Variants in URB1 observed in about 807,000 individuals in gnomAD.
URB1 encodes the protein URB1 ribosome biogenesis factor.
In URB1, 197 loss-of-function variants were observed where a neutral mutation model predicts 242.3. That is an observed-to-expected ratio of 0.81 (90% CI 0.72 to 0.91). The LOEUF is 0.91. Ranked by LOEUF, URB1 falls within the 40% of genes least tolerant of loss-of-function variation. The pLI is 0.00. For missense variants in URB1, 2,721 were observed against 2,860.5 expected (o/e 0.95, Z 1.11); for synonymous variants, 1,153 against 1,201.8 (o/e 0.96, Z 0.84).
Position 32,355,584 on chromosome 21 carries a change from C to T in URB1, c.1990-19G>A, listed in dbSNP as rs567520215. 2.5e-5 allele frequency: 38 copies of T among 1,540,814 alleles called. No individual in the cohort carries two copies. Among genetic ancestry groups the T allele is most frequent in the Middle Eastern group, 1.7e-4 (1 of 6,000 alleles). On this transcript the variant is annotated intron_variant, in intron 15 of 38. Transcript: ENST00000382751. Reference sequence around the variant, plus strand: ...GCAGAATCTGCCAGGAAGTAGGCACCGGTGAAAAAGTCAGAACAGAACGCG... The same window carrying T: ...GCAGAATCTGCCAGGAAGTAGGCACTGGTGAAAAAGTCAGAACAGAACGCG...
chr21:32,378,663 C>T, intron 4 of URB1, 122 bp from the exon 5 acceptor site: 1 of 781,456 alleles, frequency 1.3e-6, no homozygotes. Flanking sequence ...AGCCTTGTCC[C>T]CAGTCACCAG....
At chr21:32,366,033 A>AC (rs939213350) in intron 10 of URB1, among the ~76,000 whole-genome samples, 2 of 152,070 alleles carry the variant, frequency 1.3e-5, no homozygotes, top group African/African-American at 4.8e-5. Context: ...AGACATGTGA[A>AC]CCCCCCAGAA....
intron 30 of URB1, among the ~76,000 whole-genome samples, chr21:32,330,569 T>C (rs1469582590): frequency 1.3e-5 from 2 of 152,114 alleles, no homozygotes; most frequent in Non-Finnish European, 2.9e-5. Flanking sequence ...TTTCCAAGCC[T>C]TTTTCTCCTG....
At chr21:32,365,972 G>A (rs1202654318) in intron 10 of URB1, among the ~76,000 whole-genome samples, 7 of 152,188 alleles carry the variant, frequency 4.6e-5, no homozygotes, top group Admixed American at 2.6e-4. Flanking sequence ...CAGGACCCAC[G>A]TGTGCCAACA....
chr21:32,317,615 A>G (rs1404473208), intron 37 of URB1, 61 bp downstream of exon 37: 4 of 1,526,802 alleles, frequency 2.6e-6, no homozygotes, highest in Non-Finnish European at 3.5e-6. Context: ...AGAGGGAGGG[A>G]CGGACAGGGT....
Position 32,355,504 on chromosome 21 carries a change from T to C in URB1, c.2051A>G (p.His684Arg), listed in dbSNP as rs1338929650. ...GTCCTCTTCCATGGTGTTCTCTAAA[T>C]GCTCCAGCCAGAGCTCCAGCTCCTT... ...TWKELELWLE[H>R]LENTMEEDKE... is the part of the protein sequence containing the mutation. The change falls in exon 16 of 39, where the codon CAT (histidine) becomes CGT (arginine). Residue 684 changes from histidine (H) to arginine (R), a missense_variant. Transcript: ENST00000382751. 6.4e-7 allele frequency: 1 copy of C among 1,551,844 alleles called. No homozygotes were observed. The highest frequency in any genetic ancestry group is 2.0e-5 in the Admixed American group (1 of 51,010).
At chr21:32,319,547 C>T in intron 35 of URB1, 133 bp from the exon 36 acceptor site, 1 of 942,286 alleles carries the variant, frequency 1.1e-6, no homozygotes, top group South Asian at 2.3e-5. Context: ...AGGGTGCTTG[C>T]TATACAAACG....
In URB1 at chr21:32,349,369, G is replaced by C; in HGVS notation, c.2947C>G (p.Arg983Gly). The change falls in exon 21 of 39, where the codon CGG (arginine) becomes GGG (glycine). Residue 983 changes from arginine (R) to glycine (G), a missense_variant. Arg to Gly is a moderately radical substitution (Grantham distance 125, BLOSUM62 -2). Transcript: ENST00000382751. ...AQNQQRCEAARAEADLFLDME... is the reference protein window; with the variant it reads ...AQNQQRCEAAGAEADLFLDME... ...TCCAGGAAGAGGTCGGCTTCGGCCC[G>C]GGCGGCCTCGCATCTCTGCTGGTTC... 1 of 1,551,490 alleles carries C rather than the reference G, an allele frequency of 6.4e-7. No individual in the cohort carries two copies. The highest frequency in any genetic ancestry group is 8.7e-7 in the Non-Finnish European group (1 of 1,146,966).
In URB1 at chr21:32,311,613, C is replaced by T; in HGVS notation, c.*3305G>A. On this transcript the variant is annotated 3_prime_UTR_variant, in exon 39 of 39. Coordinates refer to ENST00000382751, the MANE Select transcript of URB1 (RefSeq NM_014825.3). ...GCAGATGGCAGGTGTGGCAGGAAAC[C>T]CCCCAGCCCCACAGTATGGACTGTT... The T allele has an allele frequency of 6.4e-7, 1 of 1,554,130 alleles. No individual in the cohort carries two copies. The highest frequency in any genetic ancestry group is 8.7e-7 in the Non-Finnish European group (1 of 1,151,952).
chr21:32,385,134 G>A (rs547144111), intron 2 of URB1, among the ~76,000 whole-genome samples: 1 of 152,284 alleles, frequency 6.6e-6, no homozygotes, highest in East Asian at 1.9e-4. Context: ...CATCCTTATA[G>A]CAATAACCCT....
intron 4 of URB1, among the ~76,000 whole-genome samples, chr21:32,379,493 G>T (rs78856524): frequency 0.015 from 2,297 of 152,332 alleles, 30 homozygotes; most frequent in Non-Finnish European, 0.024. Flanking sequence ...AGATAGTTCT[G>T]TTCCACTTAG....
chr21:32,341,684 G>A (rs1191441652), intron 24 of URB1, among the ~76,000 whole-genome samples, 160 bp from the exon 25 acceptor site: 3 of 152,186 alleles, frequency 2.0e-5, no homozygotes, highest in Admixed American at 6.5e-5. Context: ...GAGCGCTGGT[G>A]TCCCCTTCTG....
chr21:32,390,410 G>A (rs2033625055), intron 1 of URB1, among the ~76,000 whole-genome samples: 1 of 151,884 alleles, frequency 6.6e-6, no homozygotes, highest in African/African-American at 2.4e-5. Flanking sequence ...TCTTTTGGCT[G>A]CATAAATGTC....
At chr21:32,354,761 C>A in intron 17 of URB1, 98 bp downstream of exon 17, 1 of 1,437,500 alleles carries the variant, frequency 7.0e-7, no homozygotes. Flanking sequence ...GTGCACTTGG[C>A]CTAGGGCATT....
chr21:32,384,797 C>T (rs969156755), intron 2 of URB1, among the ~76,000 whole-genome samples: 3 of 152,068 alleles, frequency 2.0e-5, no homozygotes, highest in South Asian at 2.1e-4. Flanking sequence ...CTAGCTAACA[C>T]GGTGAAACCC....
At chr21:32,389,311 C>T (rs1342585346) in intron 1 of URB1, among the ~76,000 whole-genome samples, 1 of 152,046 alleles carries the variant, frequency 6.6e-6, no homozygotes, top group African/African-American at 2.4e-5. Context: ...AAGAAGCAGG[C>T]AGGGCTAGAT....
At position 32,354,435 on chromosome 21, in the gene URB1, A is replaced by G. The variant is rs547622445; in HGVS notation, c.2246-332T>C. Among the ~76,000 whole-genome samples the G allele has an allele frequency of 4.7e-4, 71 of 152,370 alleles. 1 individual carries two copies. The South Asian group carries it at 9.9e-3, about 21-fold the overall frequency. On this transcript the variant is annotated intron_variant, in intron 17 of 38. Transcript: ENST00000382751. ...GGCAAAATAGTGTGAGGGTTAAAGC[A>G]CAGGCCAGAGCCAGAGTACCTGCGT...
rs562942280 is a variant in URB1, at chr21:32,333,250, C to T, written c.4960+67G>A. ...ATGTGGTAATTATGGCAATAATTAC[C>T]ATAATCAACCTGACCTCTGAGAAGT... On this transcript the variant is annotated intron_variant, in intron 30 of 38. Transcript: ENST00000382751. 11 of 1,308,962 alleles carry T rather than the reference C, an allele frequency of 8.4e-6. No homozygotes were observed. In the South Asian group the frequency reaches 1.4e-4, roughly 17 times the overall value. The allele number at this position is 1,308,962 out of a possible 1,614,324, so 81.1% of individuals were successfully genotyped here.
chr21:32,336,390 GTA>G (rs2032960149), intron 28 of URB1, among the ~76,000 whole-genome samples: 2 of 152,052 alleles, frequency 1.3e-5, no homozygotes, highest in South Asian at 4.1e-4. Flanking sequence ...ACACACACAC[GTA>G]CATACTGAGC....
Sources: allele counts gnomAD v4.1 joint callset (sites outside exome capture counted in the v4.1 genomes callset), GRCh38; gene constraint gnomAD v4.1.1; transcripts MANE v1.5; gene names NCBI Gene and HGNC (gene_info 2026-07-23, HGNC 2026-07-21).